The following ADAMTS6 variants were observed in gnomAD, a reference collection of about 807,000 sequenced individuals.
ADAMTS6 encodes ADAM metallopeptidase with thrombospondin type 1 motif 6, also known as A disintegrin and metalloproteinase with thrombospondin motifs 6.
A neutral mutation model predicts 144.3 loss-of-function variants in ADAMTS6; 23 were observed. That is an observed-to-expected ratio of 0.16 (90% CI 0.11 to 0.23). The LOEUF (loss-of-function observed/expected upper bound fraction) is 0.23. ADAMTS6 is among the 10% of genes least tolerant of loss of function. ADAMTS6 has a pLI of 1.00. For synonymous variants in ADAMTS6, 444 were observed against 457.5 expected (o/e 0.97, Z 0.38); for missense variants, 999 against 1,379.6 (o/e 0.72, Z 4.37).
intron 7 of ADAMTS6, among the ~76,000 whole-genome samples, chr5:65,357,628 TC>T (rs1248340547): frequency 1.3e-5 from 2 of 149,594 alleles, no homozygotes; most frequent in African/African-American, 5.0e-5. Context: ...TAAGAAAGTT[TC>T]AAAAAAAACA....
At chr5:65,352,368 A>G (rs1748933762) in intron 7 of ADAMTS6, among the ~76,000 whole-genome samples, 1 of 152,198 alleles carries the variant, frequency 6.6e-6, no homozygotes, top group Non-Finnish European at 1.5e-5. Flanking sequence ...GGTAAAAATC[A>G]TATTATTTAG....
chr5:65,456,260 T>C (rs1273330378), intron 4 of ADAMTS6, among the ~76,000 whole-genome samples: 4 of 151,980 alleles, frequency 2.6e-5, no homozygotes, highest in South Asian at 4.2e-4. Flanking sequence ...TAAAGATTAG[T>C]AGTTCTTCAA....
At chr5:65,416,649 G>A (rs779138983) in intron 7 of ADAMTS6, among the ~76,000 whole-genome samples, 95 of 151,422 alleles carry the variant, frequency 6.3e-4, no homozygotes, top group Admixed American at 3.2e-3. Context: ...GCTGTGGCAA[G>A]AGAATCACTT....
chr5:65,357,840 A>G (rs1749473784), intron 7 of ADAMTS6, among the ~76,000 whole-genome samples: 1 of 151,874 alleles, frequency 6.6e-6, no homozygotes, highest in Admixed American at 6.6e-5. Context: ...CAAATCAGTA[A>G]TCAAAAAAAC....
intron 7 of ADAMTS6, among the ~76,000 whole-genome samples, chr5:65,440,017 A>G (rs1757744329): frequency 6.6e-6 from 1 of 152,156 alleles, no homozygotes; most frequent in Admixed American, 6.5e-5. Context: ...CATGTTACCC[A>G]GTGTGGTCTT....
chr5:65,398,479 C>A (rs940287364), intron 7 of ADAMTS6, among the ~76,000 whole-genome samples: 1 of 151,874 alleles, frequency 6.6e-6, no homozygotes, highest in African/African-American at 2.4e-5. Context: ...AATCCCAACA[C>A]TTTGGGAGGC....
At chr5:65,316,522 G>T (rs1333109393) in intron 9 of ADAMTS6, among the ~76,000 whole-genome samples, 1 of 151,982 alleles carries the variant, frequency 6.6e-6, no homozygotes. Context: ...TGAAAGAAAT[G>T]ATACAATTGA....
chr5:65,381,769 C>T (rs1472229009), intron 7 of ADAMTS6, among the ~76,000 whole-genome samples: 1 of 151,774 alleles, frequency 6.6e-6, no homozygotes. Context: ...AGAGATTCTT[C>T]ATAGAGTTTA....
intron 14 of ADAMTS6, 86 bp from the exon 15 acceptor site, chr5:65,242,292 A>AT (rs2112496129): frequency 1.1e-6 from 1 of 882,098 alleles, no homozygotes; most frequent in East Asian, 2.6e-5. Context: ...ACTCCATCAA[A>AT]TTAACTCACT....
chr5:65,156,377 A>C (rs1000604163), intron 24 of ADAMTS6, among the ~76,000 whole-genome samples: 82 of 152,112 alleles, frequency 5.4e-4, no homozygotes, highest in African/African-American at 1.9e-3. Flanking sequence ...ACCAAAAAAA[A>C]ACCACCACCA....
chr5:65,169,701 C>T (rs1413123109), intron 24 of ADAMTS6, among the ~76,000 whole-genome samples: 5 of 151,380 alleles, frequency 3.3e-5, no homozygotes, highest in African/African-American at 4.9e-5. Flanking sequence ...GAATACTATG[C>T]AGACATAAAA....
intron 22 of ADAMTS6, among the ~76,000 whole-genome samples, chr5:65,175,604 A>C (rs1753925963): frequency 6.6e-6 from 1 of 152,216 alleles, no homozygotes; most frequent in Admixed American, 6.5e-5. Context: ...GAAGCATTCA[A>C]TCTGTAGGCA....
At chr5:65,173,136 GTC>G (rs2112087926) in intron 22 of ADAMTS6, 128 bp from the exon 23 acceptor site, 2 of 877,732 alleles carry the variant, frequency 2.3e-6, no homozygotes, top group South Asian at 3.8e-5. Context: ...TCTAGGCAAA[GTC>G]TCTCAGATAC....
intron 24 of ADAMTS6, among the ~76,000 whole-genome samples, chr5:65,154,513 C>A (rs1302431800): frequency 6.6e-6 from 1 of 152,218 alleles, no homozygotes; most frequent in Non-Finnish European, 1.5e-5. Context: ...GAGTTGCCTG[C>A]AGCGGCAACA....
chr5:65,387,862 T>C (rs1752598840), intron 7 of ADAMTS6, among the ~76,000 whole-genome samples: 1 of 152,220 alleles, frequency 6.6e-6, no homozygotes, highest in Admixed American at 6.5e-5. Flanking sequence ...AGCATTCTTA[T>C]GCCTTAGAAT....
At chr5:65,460,429 T>G (rs1759560702) in intron 3 of ADAMTS6, 91 bp from the exon 4 acceptor site, 17 of 1,190,324 alleles carry the variant, frequency 1.4e-5, no homozygotes, top group Non-Finnish European at 1.9e-5. Context: ...AAATGGACAC[T>G]TCTCCATTTA....
intron 22 of ADAMTS6, among the ~76,000 whole-genome samples, 163 bp downstream of exon 22, chr5:65,187,842 ACCCAAAAACAC>A (rs946417124): frequency 2.0e-5 from 3 of 152,104 alleles, no homozygotes; most frequent in Admixed American, 2.0e-4. Flanking sequence ...TCCCTTACCC[ACCCAAAAACAC>A]CCCTTATTTC....
chr5:65,469,095 A>T (rs992900380), intron 3 of ADAMTS6, among the ~76,000 whole-genome samples: 1 of 152,170 alleles, frequency 6.6e-6, no homozygotes, highest in Non-Finnish European at 1.5e-5. Context: ...GTTCAATTCT[A>T]TTTCAATTTT....
intron 22 of ADAMTS6, among the ~76,000 whole-genome samples, chr5:65,174,403 C>T (rs1351434534): frequency 1.3e-5 from 2 of 152,192 alleles, no homozygotes; most frequent in East Asian, 3.9e-4. Context: ...GGCACTCCAG[C>T]CAGCTTGGCC....
Sources: gnomAD v4.1 joint callset for allele counts (sites outside exome capture counted in the v4.1 genomes callset) on GRCh38, gnomAD v4.1.1 for gene constraint, MANE v1.5 for transcripts, NCBI Gene and HGNC (gene_info 2026-07-23, HGNC 2026-07-21) for gene names.